Variants in BBX observed in about 807,000 individuals in gnomAD.
The protein encoded by BBX is BBX high mobility group box domain containing, also known as HMG box transcription factor BBX.
A neutral mutation model predicts 100.2 loss-of-function variants in BBX; 30 were observed. The ratio of observed to expected loss-of-function variants is 0.30; its 90% CI spans 0.22 to 0.41. BBX has a LOEUF of 0.41. Ranked by LOEUF, BBX falls within the 10% of genes least tolerant of loss-of-function variation. BBX has a pLI of 1.00. For missense variants in BBX, 1,023 were observed against 1,129.8 expected (o/e 0.91, Z 1.35); for synonymous variants, 376 against 388.1 (o/e 0.97, Z 0.37).
intron 7 of BBX, among the ~76,000 whole-genome samples, chr3:107,738,162 TTC>T (rs1404127339): frequency 1.3e-5 from 2 of 151,994 alleles, no homozygotes; most frequent in African/African-American, 2.4e-5. Context: ...CCATATTCAA[TTC>T]TCTGTTTATT....
At position 107,801,874 on chromosome 3, in the gene BBX, C is replaced by CAG. The variant is rs2070527877; in HGVS notation, c.2738+593_2738+594insAG. On this transcript the variant is annotated intron_variant, in intron 17 of 17. Coordinates refer to ENST00000325805, the MANE Select transcript of BBX (RefSeq NM_001142568.3). ...CAGAGGCCTGGATTTTTCTTCAACT[C>CAG]TTCTGTGATTTCCTACAAAGTAATT... 2.0e-5 allele frequency among the ~76,000 whole-genome samples: 3 copies of CAG among 152,302 alleles called. No homozygotes were observed. In the South Asian group the frequency reaches 6.2e-4, roughly 32 times the overall value.
At chr3:107,548,449 G>A (rs758513356) in intron 2 of BBX, among the ~76,000 whole-genome samples, 1 of 152,178 alleles carries the variant, frequency 6.6e-6, no homozygotes, top group African/African-American at 2.4e-5. Flanking sequence ...ATCTGGGAGA[G>A]ATGTTTTTGG....
At chr3:107,776,681 A>T (rs910617127) in intron 12 of BBX, among the ~76,000 whole-genome samples, 1 of 152,178 alleles carries the variant, frequency 6.6e-6, no homozygotes, top group African/African-American at 2.4e-5. Flanking sequence ...TGACAGATCT[A>T]ATTTTATAGA....
chr3:107,546,301 A>G (rs1406935050), intron 2 of BBX, among the ~76,000 whole-genome samples: 1 of 152,204 alleles, frequency 6.6e-6, no homozygotes, highest in Admixed American at 6.5e-5. Context: ...ATTATTTGCA[A>G]TTTTGTTTTA....
In BBX at chr3:107,677,557, C is replaced by G. The variant is rs374375179; in HGVS notation, c.-10+31648C>G. The G allele has an allele frequency of 6.6e-5, 10 of 152,132 alleles. No individual in the cohort carries two copies. The East Asian group carries it at 9.6e-4, about 15-fold the overall frequency. 9.4% of individuals were successfully genotyped at this position (152,132 alleles called of 1,614,324 possible). On this transcript the variant is annotated intron_variant, in intron 3 of 17. Transcript: ENST00000325805. ...ACTTAGCTTAGCCTGCCTACATGCT[C>G]AGAACAGTTATATTAGCCTACAAGT...
chr3:107,533,298 C>G (rs1389722133), intron 2 of BBX, among the ~76,000 whole-genome samples: 1 of 152,156 alleles, frequency 6.6e-6, no homozygotes, highest in Non-Finnish European at 1.5e-5. Context: ...GAGTGAAATT[C>G]TCTGATATGC....
At chr3:107,786,392 A>C (rs910150061) in intron 13 of BBX, among the ~76,000 whole-genome samples, 6 of 152,172 alleles carry the variant, frequency 3.9e-5, no homozygotes, top group African/African-American at 1.4e-4. Flanking sequence ...GTTGATTTTA[A>C]AACTAATTAC....
intron 3 of BBX, among the ~76,000 whole-genome samples, chr3:107,688,096 T>C (rs1243841831): frequency 1.3e-5 from 2 of 152,208 alleles, no homozygotes; most frequent in African/African-American, 2.4e-5. Flanking sequence ...TACACTTTAT[T>C]ACATTTTATA....
chr3:107,780,699 A>C (rs2107842346), intron 13 of BBX, among the ~76,000 whole-genome samples: 1 of 152,192 alleles, frequency 6.6e-6, no homozygotes, highest in African/African-American at 2.4e-5. Context: ...TTATCTATTC[A>C]GCAAACTAAA....
chr3:107,802,606 G>A (rs1180150101), intron 17 of BBX, among the ~76,000 whole-genome samples: 1 of 152,230 alleles, frequency 6.6e-6, no homozygotes, highest in Non-Finnish European at 1.5e-5. Context: ...TGAGAATTGA[G>A]AGAGGGATAA....
chr3:107,598,451 G>A (rs1355550586), intron 2 of BBX, among the ~76,000 whole-genome samples: 1 of 152,078 alleles, frequency 6.6e-6, no homozygotes, highest in Admixed American at 6.6e-5. Flanking sequence ...TAGTACTTTG[G>A]CAAAGCAGAT....
chr3:107,692,088 AACTAAATCATTGT>A (rs1413357356), intron 3 of BBX, among the ~76,000 whole-genome samples: 4 of 152,060 alleles, frequency 2.6e-5, no homozygotes, highest in Non-Finnish European at 5.9e-5. Flanking sequence ...ATTGATTCTT[AACTAAATCATTGT>A]TTCTGCATTG....
At chr3:107,775,952 C>T (rs2067288497) in intron 12 of BBX, among the ~76,000 whole-genome samples, 1 of 149,026 alleles carries the variant, frequency 6.7e-6, no homozygotes. Context: ...TTATGTATTT[C>T]ATTTCTAATA....
chr3:107,643,193 CAG>C (rs1241995368), intron 2 of BBX, among the ~76,000 whole-genome samples: 2 of 152,136 alleles, frequency 1.3e-5, no homozygotes, highest in African/African-American at 2.4e-5. Flanking sequence ...CTTTTTAAAA[CAG>C]CACCTCAAGG....
Position 107,628,980 on chromosome 3 carries a change from TG to T in BBX, c.-83-16855del, listed in dbSNP as rs1343098164. On this transcript the variant is annotated intron_variant, in intron 2 of 17. Transcript: ENST00000325805. ...TTGATCTTTTTCCACTTGAAAGAAGTGTTTTGATTTCTTTGTAATTGTGAAG... is the reference window on the plus strand; with the variant it reads ...TTGATCTTTTTCCACTTGAAAGAAGTTTTTGATTTCTTTGTAATTGTGAAG... Among the ~76,000 whole-genome samples, 3 of 152,132 alleles carry T rather than the reference TG, an allele frequency of 2.0e-5. No homozygotes were observed. The East Asian group carries it at 5.8e-4, about 29-fold the overall frequency.
chr3:107,756,533 A>T (rs1173797766), intron 10 of BBX, among the ~76,000 whole-genome samples: 1 of 152,140 alleles, frequency 6.6e-6, no homozygotes, highest in Non-Finnish European at 1.5e-5. Context: ...TAATGAGCTG[A>T]CCAATCATAT....
At chr3:107,552,479 A>G (rs1412642446) in intron 2 of BBX, among the ~76,000 whole-genome samples, 9 of 151,952 alleles carry the variant, frequency 5.9e-5, no homozygotes, top group Non-Finnish European at 2.9e-5. Context: ...AACCACAGAA[A>G]CCTAGGCATG....
chr3:107,644,467 A>G lies in BBX; in HGVS notation c.-83-1369A>G, dbSNP rs139059749. Among the ~76,000 whole-genome samples, 660 of 152,284 alleles carry G rather than the reference A, an allele frequency of 4.3e-3. 5 individuals carry two copies. The highest frequency in any genetic ancestry group is 0.015 in the African/African-American group (629 of 41,568). On this transcript the variant is annotated intron_variant, in intron 2 of 17. Coordinates refer to ENST00000325805, the MANE Select transcript of BBX (RefSeq NM_001142568.3). The stretch of plus-strand genomic sequence containing the variant: ...TCATAATATTTAATGCTTCTTCTGT[A>G]TACTTTCATAGATGTATATGAAAAG...
Position 107,624,158 on chromosome 3 carries a change from C to G in BBX, c.-83-21678C>G, listed in dbSNP as rs554762697. On this transcript the variant is annotated intron_variant, in intron 2 of 17. Transcript: ENST00000325805. ...TTCTCAACCCTTCCTTACCTCTGCA[C>G]CTCTGTAAAATGGGTATAATAGAGC... is the stretch of plus-strand genomic sequence containing the variant. 2.7e-3 allele frequency among the ~76,000 whole-genome samples: 404 copies of G among 152,204 alleles called. 1 individual carries two copies. The highest frequency in any genetic ancestry group is 8.2e-3 in the African/African-American group (340 of 41,538).
Sources: allele counts gnomAD v4.1 joint callset (sites outside exome capture counted in the v4.1 genomes callset), GRCh38; gene constraint gnomAD v4.1.1; transcripts MANE v1.5; gene names NCBI Gene and HGNC (gene_info 2026-07-23, HGNC 2026-07-21).